Variants in TTC28 observed in about 807,000 individuals in gnomAD.
TTC28 encodes the protein tetratricopeptide repeat protein 28.
Under a neutral mutation model 198.0 loss-of-function variants are expected in TTC28, and 61 were observed. The observed-to-expected ratio is 0.31, with a 90% CI of 0.25 to 0.38. TTC28 has a LOEUF of 0.38. TTC28 is among the 10% of genes least tolerant of loss of function. The probability of loss-of-function intolerance (pLI) is 1.00; values close to 1 mark genes in which losing one functional copy is unlikely to be tolerated. For synonymous variants in TTC28, 1,171 were observed against 1,297.8 expected (o/e 0.90, Z 2.10); for missense variants, 2,678 against 3,164.0 (o/e 0.85, Z 3.69).
chr22:28,027,973 C>T (rs888802692), intron 13 of TTC28, among the ~76,000 whole-genome samples: 1 of 152,250 alleles, frequency 6.6e-6, no homozygotes, highest in African/African-American at 2.4e-5. Context: ...TCTGTGGTTC[C>T]CTCAGCTGTA....
At chr22:28,582,103 C>T (rs1241373296) in intron 2 of TTC28, among the ~76,000 whole-genome samples, 1 of 151,618 alleles carries the variant, frequency 6.6e-6, no homozygotes, top group African/African-American at 2.4e-5. Context: ...TAATAATAGA[C>T]GATTACTATA....
intron 6 of TTC28, among the ~76,000 whole-genome samples, chr22:28,160,838 A>G (rs1034550667): frequency 7.9e-5 from 12 of 152,310 alleles, no homozygotes; most frequent in African/African-American, 2.9e-4. Flanking sequence ...ACTTTTAAAA[A>G]TTGTTTGTTT....
At chr22:28,527,102 A>G (rs374033258) in intron 2 of TTC28, among the ~76,000 whole-genome samples, 1 of 152,098 alleles carries the variant, frequency 6.6e-6, no homozygotes. Flanking sequence ...AGTAGTGTAA[A>G]TATGAGGACA....
chr22:28,084,827 G>A (rs1037102904), intron 12 of TTC28, among the ~76,000 whole-genome samples: 1 of 152,168 alleles, frequency 6.6e-6, no homozygotes, highest in Non-Finnish European at 1.5e-5. Context: ...GGACCTGATG[G>A]AGCTGAAAAC....
chr22:28,131,761 G>C (rs1299930891), intron 6 of TTC28, among the ~76,000 whole-genome samples: 1 of 152,106 alleles, frequency 6.6e-6, no homozygotes, highest in Non-Finnish European at 1.5e-5. Context: ...TATTAGAAAG[G>C]GTTGTTTTAT....
At chr22:28,658,710 T>C (rs1357302331) in intron 1 of TTC28, among the ~76,000 whole-genome samples, 1 of 152,212 alleles carries the variant, frequency 6.6e-6, no homozygotes, top group Non-Finnish European at 1.5e-5. Context: ...AATTTAAAAA[T>C]TGAGTGCCAG....
intron 2 of TTC28, among the ~76,000 whole-genome samples, chr22:28,603,187 T>C (rs934223746): frequency 6.6e-6 from 1 of 152,012 alleles, no homozygotes; most frequent in Non-Finnish European, 1.5e-5. Context: ...CCCCTAACTT[T>C]AGTTCTTAGA....
chr22:28,534,029 G>C (rs182138470), intron 2 of TTC28, among the ~76,000 whole-genome samples: 379 of 152,250 alleles, frequency 2.5e-3, no homozygotes, highest in African/African-American at 9.0e-3. Context: ...AACACCAAAA[G>C]CAATGGCAAC....
At position 28,108,272 on chromosome 22, in the gene TTC28, T is replaced by A. The variant is rs1246087139; in HGVS notation, c.1573A>T (p.Asn525Tyr). ...GCCTGGTCGTACATGCCCAGGGCAT[T>A]GTAGGCATTGCCCATATTCCCATAG... Reference protein sequence around the residue: ...RAYGNMGNAYNALGMYDQAVK... With the variant: ...RAYGNMGNAYYALGMYDQAVK... The change falls in exon 7 of 23, where the codon AAT becomes TAT. Residue 525 changes from asparagine to tyrosine, a missense_variant. Physicochemically the swap from Asn to Tyr is moderately radical, Grantham distance 143. Transcript: ENST00000397906. 1.9e-6 allele frequency: 3 copies of A among 1,549,118 alleles called. No individual in the cohort carries two copies. Among genetic ancestry groups the A allele is most frequent in the Non-Finnish European group, 2.6e-6 (3 of 1,144,940 alleles).
At position 28,491,389 on chromosome 22, in the gene TTC28, C is replaced by A. The variant is rs187361921; in HGVS notation, c.381+138163G>T. 3.0e-3 allele frequency among the ~76,000 whole-genome samples: 460 copies of A among 152,198 alleles called. 4 individuals carry two copies. The highest frequency in any genetic ancestry group is 0.011 in the African/African-American group (439 of 41,534). The stretch of plus-strand genomic sequence containing the variant: ...ACAAAGGGCTAATATCCAGAATCTA[C>A]AATAAACTCAAACAAACTTACAAGA... On this transcript the variant is annotated intron_variant, in intron 2 of 22. Transcript: ENST00000397906.
chr22:28,580,931 A>G lies in TTC28; in HGVS notation c.381+48621T>C, dbSNP rs143668997. Among the ~76,000 whole-genome samples the G allele has an allele frequency of 6.3e-3, 954 of 152,214 alleles. 8 individuals carry two copies. The highest frequency in any genetic ancestry group is 0.022 in the African/African-American group (916 of 41,532). On this transcript the variant is annotated intron_variant, in intron 2 of 22. Transcript: ENST00000397906. ...ATATTTATTTAAATCAAATACTCTC[A>G]TTCTATTATTATTTGACTTTGCAAA...
intron 5 of TTC28, among the ~76,000 whole-genome samples, chr22:28,210,350 C>T (rs556857047): frequency 6.6e-6 from 1 of 152,060 alleles, no homozygotes; most frequent in Non-Finnish European, 1.5e-5. Context: ...CTTCTCCAAA[C>T]TAAAGGAGGA....
intron 2 of TTC28, among the ~76,000 whole-genome samples, chr22:28,315,700 G>C (rs1321748526): frequency 1.3e-5 from 2 of 152,046 alleles, no homozygotes; most frequent in African/African-American, 4.8e-5. Context: ...TCATAGTTGT[G>C]TGGGTCTATT....
At chr22:28,100,546 T>A (rs1942111558) in intron 9 of TTC28, among the ~76,000 whole-genome samples, 1 of 152,222 alleles carries the variant, frequency 6.6e-6, no homozygotes. Context: ...TTCAGTCACA[T>A]CTCTTCAACT....
intron 12 of TTC28, among the ~76,000 whole-genome samples, chr22:28,093,117 T>C (rs892750549): frequency 5.3e-5 from 8 of 152,228 alleles, no homozygotes; most frequent in African/African-American, 1.9e-4. Context: ...AGATGACTAC[T>C]ACAGCCCCTT....
chr22:28,093,052 G>A (rs1421861186), intron 12 of TTC28, among the ~76,000 whole-genome samples: 1 of 152,172 alleles, frequency 6.6e-6, no homozygotes, highest in African/African-American at 2.4e-5. Flanking sequence ...CACTAACTTG[G>A]CTGTCAGCAA....
At chr22:28,401,946 T>C (rs531099922) in intron 2 of TTC28, among the ~76,000 whole-genome samples, 11 of 152,222 alleles carry the variant, frequency 7.2e-5, no homozygotes, top group African/African-American at 1.7e-4. Flanking sequence ...GATTTTTAAA[T>C]TGACCCTTTT....
intron 2 of TTC28, among the ~76,000 whole-genome samples, chr22:28,378,716 G>T: frequency 6.6e-6 from 1 of 151,868 alleles, no homozygotes; most frequent in East Asian, 1.9e-4. Context: ...AACCAAAATA[G>T]ATTAGTAGAT....
intron 2 of TTC28, among the ~76,000 whole-genome samples, chr22:28,614,114 A>G (rs1440661677): frequency 6.6e-6 from 1 of 152,230 alleles, no homozygotes; most frequent in Non-Finnish European, 1.5e-5. Flanking sequence ...TACAAAATCA[A>G]TGTGCAAAAA....
Sources: gnomAD v4.1 joint callset for allele counts (sites outside exome capture counted in the v4.1 genomes callset) on GRCh38, gnomAD v4.1.1 for gene constraint, MANE v1.5 for transcripts, NCBI Gene and HGNC (gene_info 2026-07-23, HGNC 2026-07-21) for gene names.